The following BARD1 variants were observed in gnomAD, a reference collection of about 807,000 sequenced individuals.
BARD1 encodes BRCA1-associated RING domain protein 1.
Under a neutral mutation model 77.0 loss-of-function variants are expected in BARD1, and 73 were observed. That is an observed-to-expected ratio of 0.95 (90% CI 0.79 to 1.15). The LOEUF is 1.15. Among genes scored for constraint, BARD1 ranks in the 50% most tolerant of loss-of-function variants. The pLI is 0.00. For synonymous variants in BARD1, 384 were observed against 338.0 expected (o/e 1.14, Z -1.49); for missense variants, 993 against 938.8 (o/e 1.06, Z -0.75).
chr2:214,791,656 A>G (rs527698185), intron 3 of BARD1, among the ~76,000 whole-genome samples: 2 of 152,232 alleles, frequency 1.3e-5, no homozygotes, highest in South Asian at 4.1e-4. Context: ...AAGAAAATGA[A>G]TATTAGATTT....
rs371873104 is a variant in BARD1 at position 214,759,360 on chromosome 2, G to T, written c.1569-6805C>A. Among the ~76,000 whole-genome samples, 20 of 152,222 alleles carry T rather than the reference G, an allele frequency of 1.3e-4. No individual in the cohort carries two copies. In the South Asian group the frequency reaches 3.7e-3, roughly 28 times the overall value. ...CAAAATGGTTCTCATGTGACCGTAA[G>T]AGCTGTGGTTCTAGCTTCACACTGG... On this transcript the variant is annotated intron_variant, in intron 6 of 10. Coordinates refer to ENST00000260947, the MANE Select transcript of BARD1 (RefSeq NM_000465.4).
intron 5 of BARD1, among the ~76,000 whole-genome samples, chr2:214,768,111 C>T (rs1280546788): frequency 6.6e-6 from 1 of 152,178 alleles, no homozygotes. Context: ...CTACAAATTG[C>T]TGTATGGCTG....
chr2:214,765,765 C>A (rs1461789716), intron 6 of BARD1, among the ~76,000 whole-genome samples: 2 of 152,158 alleles, frequency 1.3e-5, no homozygotes, highest in African/African-American at 4.8e-5. Flanking sequence ...CACACACACA[C>A]ACACAAATAA....
chr2:214,760,341 C>T (rs1456584572), intron 6 of BARD1, among the ~76,000 whole-genome samples: 2 of 152,088 alleles, frequency 1.3e-5, no homozygotes, highest in Admixed American at 1.3e-4. Context: ...TACAGGCACA[C>T]GCCGCCACAC....
At chr2:214,737,901 T>C (rs1432224582) in intron 9 of BARD1, among the ~76,000 whole-genome samples, 3 of 152,160 alleles carry the variant, frequency 2.0e-5, no homozygotes, top group Non-Finnish European at 1.5e-5. Context: ...TCCATAATTA[T>C]TCCATCAGTT....
chr2:214,770,593 C>A (rs757094148), intron 4 of BARD1, among the ~76,000 whole-genome samples: 8 of 152,148 alleles, frequency 5.3e-5, no homozygotes, highest in Non-Finnish European at 2.9e-5. Flanking sequence ...ATTAAGACAC[C>A]GTCAATTATT....
chr2:214,752,526 T>C lies in BARD1; in HGVS notation c.1598A>G (p.Tyr533Cys), dbSNP rs761673463. ...CGATTTCATACTTTCATCATCTGTA[T>C]AATCGACAGGCCGCAGACCAAATAT... Reference protein sequence around the residue: ...VNIFGLRPVDYTDDESMKSLL... With the variant: ...VNIFGLRPVDCTDDESMKSLL... The change falls in exon 7 of 11, where the codon TAT becomes TGT. Residue 533 changes from tyrosine (Y) to cysteine (C), a missense_variant. Coordinates refer to ENST00000260947, the MANE Select transcript of BARD1 (RefSeq NM_000465.4). The C allele has an allele frequency of 6.2e-7, 1 of 1,613,780 alleles. No homozygotes were observed. Among genetic ancestry groups the C allele is most frequent in the African/African-American group, 1.3e-5 (1 of 75,028 alleles).
intron 3 of BARD1, among the ~76,000 whole-genome samples, chr2:214,791,178 G>T (rs999681583): frequency 6.6e-6 from 1 of 152,256 alleles, no homozygotes; most frequent in East Asian, 1.9e-4. Context: ...ATAAAAGAAT[G>T]GAGTTGAATA....
chr2:214,751,139 ATATATATATATATTTTTTTT>A lies in BARD1; in HGVS notation c.1677+1288_1677+1307del, dbSNP rs1693416637. 2.1e-4 allele frequency among the ~76,000 whole-genome samples: 4 copies of A among 19,108 alleles called. No homozygotes were observed. In the Admixed American group the frequency reaches 2.6e-3, roughly 12 times the overall value. The allele number at this position is 19,108 out of a possible 152,430, so 12.5% of individuals were successfully genotyped here. On this transcript the variant is annotated intron_variant, in intron 7 of 10. Transcript: ENST00000260947. Reference sequence around the variant, plus strand: ...TGTGTATATATATATATATATATATATATATATATATATTTTTTTTTTTTTTTTTTTTTTTTTTGAGACAG... The same window carrying A: ...TGTGTATATATATATATATATATATATTTTTTTTTTTTTTTTTTGAGACAG...
At chr2:214,756,017 C>T (rs954863100) in intron 6 of BARD1, among the ~76,000 whole-genome samples, 4 of 152,142 alleles carry the variant, frequency 2.6e-5, no homozygotes, top group Admixed American at 1.3e-4. Context: ...CGGACAGTCG[C>T]GAATTCAGTG....
At chr2:214,735,854 GAGTCTT>G (rs1692544825) in intron 9 of BARD1, among the ~76,000 whole-genome samples, 1 of 152,088 alleles carries the variant, frequency 6.6e-6, no homozygotes, top group South Asian at 2.1e-4. Context: ...TCAAGACGCT[GAGTCTT>G]TCCTGAATTG....
chr2:214,764,340 C>G (rs776278014), intron 6 of BARD1, among the ~76,000 whole-genome samples: 13 of 152,116 alleles, frequency 8.5e-5, no homozygotes, highest in Non-Finnish European at 1.8e-4. Context: ...AGGGAGGAAA[C>G]AGTAAGTCCT....
chr2:214,799,842 C>T (rs1311234932), intron 1 of BARD1, among the ~76,000 whole-genome samples: 1 of 152,200 alleles, frequency 6.6e-6, no homozygotes, highest in Non-Finnish European at 1.5e-5. Context: ...CTAGCTTTAA[C>T]TCCCTCCACT....
intron 1 of BARD1, among the ~76,000 whole-genome samples, chr2:214,801,339 T>C (rs567653683): frequency 6.6e-6 from 1 of 152,314 alleles, no homozygotes; most frequent in African/African-American, 2.4e-5. Flanking sequence ...TATATGAACA[T>C]AGAACCTCTT....
Position 214,767,263 on chromosome 2 carries a change from A to G in BARD1, c.1568+219T>C, listed in dbSNP as rs68143700. ...ATTATTTTTGATCTGCAGTTGGCTG[A>G]ATCCTCAAGTGTAGAACCCAAGAAT... On this transcript the variant is annotated intron_variant, in intron 6 of 10. Transcript: ENST00000260947. Among the ~76,000 whole-genome samples the G allele has an allele frequency of 0.37, 56,407 of 151,864 alleles. 10,620 individuals are homozygous for G. The highest frequency in any genetic ancestry group is 0.44 in the Middle Eastern group (130 of 294).
At chr2:214,801,363 G>A (rs1696010335) in intron 1 of BARD1, among the ~76,000 whole-genome samples, 1 of 152,088 alleles carries the variant, frequency 6.6e-6, no homozygotes, top group African/African-American at 2.4e-5. Flanking sequence ...GGATACACAA[G>A]AAACTGATAA....
chr2:214,786,285 C>G lies in BARD1; in HGVS notation c.365-4776G>C, dbSNP rs150029610. 4.7e-3 allele frequency among the ~76,000 whole-genome samples: 713 copies of G among 150,904 alleles called. 10 individuals are homozygous for G. Among genetic ancestry groups the G allele is most frequent in the African/African-American group, 0.017 (676 of 40,428 alleles). ...ACGTTTTGGGGAATAAATTTCTTTT[C>G]AACATTCTCATGTCTTTATTAGCAA... is the stretch of plus-strand genomic sequence containing the variant. On this transcript the variant is annotated intron_variant, in intron 3 of 10. Coordinates refer to ENST00000260947, the MANE Select transcript of BARD1 (RefSeq NM_000465.4).
chr2:214,750,493 T>C (rs145429848), intron 7 of BARD1, among the ~76,000 whole-genome samples: 1 of 152,298 alleles, frequency 6.6e-6, no homozygotes, highest in African/African-American at 2.4e-5. Flanking sequence ...TGCCTCCTTG[T>C]CTCTGAGCAG....
chr2:214,757,789 G>A (rs948740836), intron 6 of BARD1, among the ~76,000 whole-genome samples: 1 of 152,090 alleles, frequency 6.6e-6, no homozygotes, highest in Non-Finnish European at 1.5e-5. Flanking sequence ...ACACAGAAAA[G>A]GTTTTGCAGT....
Sources: gnomAD v4.1 joint callset for allele counts (sites outside exome capture counted in the v4.1 genomes callset) on GRCh38, gnomAD v4.1.1 for gene constraint, MANE v1.5 for transcripts, NCBI Gene and HGNC (gene_info 2026-07-23, HGNC 2026-07-21) for gene names.